The following MEIG1 variants were observed in gnomAD, a reference collection of about 807,000 sequenced individuals.
MEIG1 encodes the protein meiosis/spermiogenesis associated 1.
Under a neutral mutation model 11.3 loss-of-function variants are expected in MEIG1, and 12 were observed. The ratio of observed to expected loss-of-function variants is 1.07; its 90% confidence interval spans 0.68 to 1.73. MEIG1 has a LOEUF of 1.73. MEIG1 is among the 40% of genes most tolerant of loss of function. The pLI, the probability that MEIG1 is intolerant of heterozygous loss-of-function variation, is 0.00. For synonymous variants in MEIG1, 41 were observed against 33.2 expected, an observed-to-expected ratio of 1.24 and a Z score of -0.81; for missense variants, 119 against 104.9, an observed-to-expected ratio of 1.13 and a Z score of -0.59.
upstream of MEIG1, among the ~76,000 whole-genome samples, chr10:14,958,021 G>A (rs532833998): frequency 2.0e-5 from 3 of 152,228 alleles, no homozygotes; most frequent in East Asian, 5.8e-4. Context: ...GAGAGCTGTT[G>A]GGAACGGTTG....
At chr10:14,984,843 A>G (rs917472795) in intron 1 of MEIG1, among the ~76,000 whole-genome samples, 3 of 150,614 alleles carry the variant, frequency 2.0e-5, no homozygotes, top group Non-Finnish European at 4.4e-5. Context: ...TATGTGCAAT[A>G]TTCTATAGAA....
chr10:14,972,648 T>C lies in MEIG1; in HGVS notation c.*7T>C, dbSNP rs1397032827. Reference sequence around the variant, plus strand: ...GAAAATTTATGCTTACTAGCCTGTCTTCTTTGTATTACTTGTCAATTATAT... The same window carrying C: ...GAAAATTTATGCTTACTAGCCTGTCCTCTTTGTATTACTTGTCAATTATAT... On this transcript the variant is annotated 3_prime_UTR_variant, in exon 3 of 3. Transcript: ENST00000407572. 1 of 1,589,504 alleles carries C rather than the reference T, an allele frequency of 6.3e-7. No homozygotes were observed. The highest frequency in any genetic ancestry group is 8.6e-7 in the Non-Finnish European group (1 of 1,168,994).
chr10:14,975,147 G>A (rs922835789), downstream of MEIG1, among the ~76,000 whole-genome samples: 4 of 152,016 alleles, frequency 2.6e-5, no homozygotes, highest in Non-Finnish European at 2.9e-5. Context: ...TCATATTCAC[G>A]GAAAAAGAGA....
intron 1 of MEIG1, among the ~76,000 whole-genome samples, chr10:14,980,317 C>T (rs949422664): frequency 5.9e-5 from 9 of 152,130 alleles, no homozygotes; most frequent in African/African-American, 1.9e-4. Context: ...TGTTATTCTT[C>T]GCATTCTAGA....
chr10:14,981,552 C>A (rs936218081), intron 1 of MEIG1, among the ~76,000 whole-genome samples: 2 of 152,060 alleles, frequency 1.3e-5, no homozygotes, highest in African/African-American at 4.8e-5. Context: ...CGGTTACTAG[C>A]GAATGTTCAG....
At chr10:14,968,161 T>C (rs1166088068) in intron 2 of MEIG1, among the ~76,000 whole-genome samples, 1 of 152,184 alleles carries the variant, frequency 6.6e-6, no homozygotes, top group Admixed American at 6.5e-5. Context: ...TCTTTTATTC[T>C]ATTCTTTGAC....
intron 1 of MEIG1, among the ~76,000 whole-genome samples, chr10:14,966,066 C>CTTTTTTTTTTT (rs10673663): frequency 7.6e-5 from 9 of 118,722 alleles, no homozygotes; most frequent in African/African-American, 9.6e-5. Context: ...TTTATTTATT[C>CTTTTTTTTTTT]TTTTTTTTTT....
chr10:14,965,873 T>C (rs1002417976), intron 1 of MEIG1, among the ~76,000 whole-genome samples: 9 of 152,234 alleles, frequency 5.9e-5, no homozygotes, highest in Non-Finnish European at 8.8e-5. Flanking sequence ...TGGGATTTTA[T>C]TGATAAAGAA....
At chr10:14,986,223 G>T (rs1466932955) in intron 1 of MEIG1, among the ~76,000 whole-genome samples, 1 of 152,166 alleles carries the variant, frequency 6.6e-6, no homozygotes, top group African/African-American at 2.4e-5. Context: ...TACTCGGGAG[G>T]TGGAGGCAGA....
In MEIG1 at chr10:14,964,515, A is replaced by C. The variant is rs553845473; in HGVS notation, c.-29-1925A>C. On this transcript the variant is annotated intron_variant, in intron 1 of 2. Coordinates refer to ENST00000407572, the MANE Select transcript of MEIG1 (RefSeq NM_001080836.3). ...CCAGTATGAAGGATGGATATTTCTA[A>C]TTAATGTCATGCTTATTTTGAGTTT... 2.2e-3 allele frequency among the ~76,000 whole-genome samples: 322 copies of C among 148,044 alleles called. 1 individual carries two copies. The highest frequency in any genetic ancestry group is 0.014 in the Middle Eastern group (4 of 278).
intron 1 of MEIG1, among the ~76,000 whole-genome samples, chr10:14,964,096 C>CAAAA (rs370368866): frequency 2.5e-5 from 3 of 117,820 alleles, no homozygotes; most frequent in Non-Finnish European, 5.4e-5. Context: ...GACTCCGTCT[C>CAAAA]AAAAAAAAAA....
At chr10:14,962,099 A>G (rs10796228) in intron 1 of MEIG1, among the ~76,000 whole-genome samples, 97,452 of 151,920 alleles carry the variant, frequency 0.64, 31,569 homozygotes, top group Admixed American at 0.69. Context: ...CGCTGCATCC[A>G]GCCATTAAAT....
At chr10:14,979,467 G>A (rs1485009045) in intron 1 of MEIG1, among the ~76,000 whole-genome samples, 1 of 151,660 alleles carries the variant, frequency 6.6e-6, no homozygotes, top group East Asian at 1.9e-4. Flanking sequence ...CACCATGTGT[G>A]TACACCTTCT....
chr10:14,981,046 G>A (rs1301773416), intron 1 of MEIG1, among the ~76,000 whole-genome samples: 2 of 152,264 alleles, frequency 1.3e-5, no homozygotes, highest in African/African-American at 4.8e-5. Flanking sequence ...CATGGCGAAT[G>A]ACAAGGAAGT....
chr10:14,983,707 T>C (rs1843287639), intron 1 of MEIG1, among the ~76,000 whole-genome samples: 1 of 152,078 alleles, frequency 6.6e-6, no homozygotes, highest in Non-Finnish European at 1.5e-5. Flanking sequence ...CACTCTGTGA[T>C]ATTTTTTGTA....
chr10:14,959,022 A>C (rs1172595407), upstream of MEIG1, among the ~76,000 whole-genome samples: 1 of 152,242 alleles, frequency 6.6e-6, no homozygotes, highest in Admixed American at 6.5e-5. Flanking sequence ...GATATCATCT[A>C]TTGTAGGTTT....
intron 1 of MEIG1, among the ~76,000 whole-genome samples, chr10:14,986,362 C>T (rs1410079689): frequency 6.6e-6 from 1 of 152,124 alleles, no homozygotes. Context: ...ATTTCAAGAG[C>T]AGAAAGAGAA....
intron 1 of MEIG1, among the ~76,000 whole-genome samples, chr10:14,985,797 G>A (rs1843312727): frequency 1.3e-5 from 2 of 151,992 alleles, no homozygotes; most frequent in Non-Finnish European, 2.9e-5. Flanking sequence ...CCCCTAGAGA[G>A]ATATTAATTC....
chr10:14,979,213 T>TG (rs1452186012), intron 1 of MEIG1, among the ~76,000 whole-genome samples: 1 of 151,804 alleles, frequency 6.6e-6, no homozygotes, highest in Non-Finnish European at 1.5e-5. Context: ...ATATTACCCG[T>TG]GATGTTCTAG....
Sources: allele counts gnomAD v4.1 joint callset (sites outside exome capture counted in the v4.1 genomes callset), GRCh38; gene constraint gnomAD v4.1.1; transcripts MANE v1.5; gene names NCBI Gene and HGNC (gene_info 2026-07-23, HGNC 2026-07-21).